Variants in FHOD3 observed in about 807,000 individuals in gnomAD.
FHOD3 encodes formin homology 2 domain containing 3.
A neutral mutation model predicts 173.0 loss-of-function variants in FHOD3; 90 were observed. That is an observed-to-expected ratio of 0.52 (90% confidence interval 0.44 to 0.62). The LOEUF (loss-of-function observed/expected upper bound fraction) is 0.62. Ranked by LOEUF, FHOD3 falls within the 20% of genes least tolerant of loss-of-function variation. The probability of loss-of-function intolerance (pLI) is 0.00; values close to 1 mark genes in which losing one functional copy is unlikely to be tolerated. For synonymous variants in FHOD3, 828 were observed against 823.0 expected (o/e 1.01, Z -0.10); for missense variants, 1,945 against 2,034.7 (o/e 0.96, Z 0.85).
At chr18:36,676,626 A>AC (rs1193231648) in intron 14 of FHOD3, among the ~76,000 whole-genome samples, 1 of 152,178 alleles carries the variant, frequency 6.6e-6, no homozygotes, top group Non-Finnish European at 1.5e-5. Context: ...GATTATATTA[A>AC]TTTCGACTTC....
At chr18:36,479,966 C>T (rs1171597535) in intron 3 of FHOD3, among the ~76,000 whole-genome samples, 1 of 152,196 alleles carries the variant, frequency 6.6e-6, no homozygotes, top group Non-Finnish European at 1.5e-5. Context: ...TTTCTAAATA[C>T]TGGCCACCCA....
At chr18:36,459,297 A>C (rs2052412242) in intron 3 of FHOD3, among the ~76,000 whole-genome samples, 1 of 152,162 alleles carries the variant, frequency 6.6e-6, no homozygotes, top group South Asian at 2.1e-4. Flanking sequence ...GACAAAGGGG[A>C]TTGTTAGAGA....
At chr18:36,743,237 A>T (rs1229186420) in intron 22 of FHOD3, among the ~76,000 whole-genome samples, 1 of 139,152 alleles carries the variant, frequency 7.2e-6, no homozygotes, top group East Asian at 2.3e-4. Context: ...TGAACCCGGG[A>T]AGCAGAGGTT....
At chr18:36,432,762 C>T (rs2147271947) in intron 3 of FHOD3, among the ~76,000 whole-genome samples, 1 of 152,336 alleles carries the variant, frequency 6.6e-6, no homozygotes, top group African/African-American at 2.4e-5. Flanking sequence ...TCATATATAA[C>T]AATGGGTGCG....
chr18:36,765,031 CTG>C (rs2043080636), intron 27 of FHOD3, among the ~76,000 whole-genome samples: 2 of 152,094 alleles, frequency 1.3e-5, no homozygotes, highest in Non-Finnish European at 2.9e-5. Flanking sequence ...TTTGTAGTAG[CTG>C]TATGAACTGG....
intron 3 of FHOD3, among the ~76,000 whole-genome samples, chr18:36,376,079 C>T (rs1165244190): frequency 6.6e-6 from 1 of 152,032 alleles, no homozygotes; most frequent in Non-Finnish European, 1.5e-5. Context: ...ATTTTTTGGT[C>T]CCTGAAAAGT....
chr18:36,726,645 G>T (rs2041086086), intron 19 of FHOD3, among the ~76,000 whole-genome samples: 1 of 152,046 alleles, frequency 6.6e-6, no homozygotes. Flanking sequence ...TCTGACCAAA[G>T]GAATGCACTA....
At chr18:36,454,542 C>T (rs1027003884) in intron 3 of FHOD3, among the ~76,000 whole-genome samples, 2 of 152,104 alleles carry the variant, frequency 1.3e-5, no homozygotes. Flanking sequence ...TTGGAACTAA[C>T]AATTACCTTA....
chr18:36,482,278 T>C (rs2145522914), intron 3 of FHOD3, among the ~76,000 whole-genome samples: 1 of 152,216 alleles, frequency 6.6e-6, no homozygotes, highest in South Asian at 2.1e-4. Context: ...GTAAAATACA[T>C]AGTGTGATAA....
At chr18:36,348,994 G>T (rs1216884459) in intron 1 of FHOD3, among the ~76,000 whole-genome samples, 1 of 152,184 alleles carries the variant, frequency 6.6e-6, no homozygotes, top group East Asian at 1.9e-4. Flanking sequence ...GAAGAGGAGG[G>T]TGACGTAAAG....
chr18:36,500,910 G>A (rs574927679), intron 3 of FHOD3, among the ~76,000 whole-genome samples: 91 of 152,316 alleles, frequency 6.0e-4, no homozygotes, highest in African/African-American at 2.1e-3. Flanking sequence ...AGGACCAAGT[G>A]TGGGTGCTGG....
rs1163001939 is a variant in FHOD3 at position 36,652,551 on chromosome 18, C to T, written c.1287-19C>T. 1 of 1,513,596 alleles carries T rather than the reference C, an allele frequency of 6.6e-7. No homozygotes were observed. The highest frequency in any genetic ancestry group is 8.8e-7 in the Non-Finnish European group (1 of 1,133,684). 93.8% of individuals were successfully genotyped at this position (1,513,596 alleles called of 1,614,324 possible). A position where few individuals can be genotyped will look rare whatever the true frequency, so the allele number is the denominator to read the frequency against. ...AAATCTTTTTTTCTTCTTCCTCCTCCTCCCTGCTGGCCCAACAGCAAGGTC... is the reference window on the plus strand; with the variant it reads ...AAATCTTTTTTTCTTCTTCCTCCTCTTCCCTGCTGGCCCAACAGCAAGGTC... On this transcript the variant is annotated intron_variant, in intron 11 of 28. Transcript: ENST00000590592.
intron 14 of FHOD3, among the ~76,000 whole-genome samples, chr18:36,674,100 A>G (rs1360898813): frequency 2.0e-5 from 3 of 152,230 alleles, no homozygotes; most frequent in African/African-American, 7.2e-5. Flanking sequence ...TTCAAAAGGA[A>G]GGAAAGTCAA....
intron 1 of FHOD3, among the ~76,000 whole-genome samples, chr18:36,330,736 T>C (rs1459354235): frequency 6.6e-6 from 1 of 152,212 alleles, no homozygotes; most frequent in Non-Finnish European, 1.5e-5. Context: ...AGCCTGCTGT[T>C]TATGGGCACG....
intron 10 of FHOD3, among the ~76,000 whole-genome samples, chr18:36,629,581 T>C (rs1399103173): frequency 6.6e-6 from 1 of 152,166 alleles, no homozygotes; most frequent in African/African-American, 2.4e-5. Context: ...GTGTTATGTG[T>C]GAGGGCTATG....
chr18:36,560,827 T>A (rs1255477003), intron 5 of FHOD3, among the ~76,000 whole-genome samples: 1 of 12,886 alleles, frequency 7.8e-5, no homozygotes, highest in African/African-American at 2.3e-4. Context: ...AGAGCAGCTG[T>A]TTTTTTTTTT....
intron 10 of FHOD3, among the ~76,000 whole-genome samples, chr18:36,636,400 G>A (rs922417980): frequency 1.3e-5 from 2 of 152,154 alleles, no homozygotes; most frequent in African/African-American, 4.8e-5. Context: ...GAGGCAGCCT[G>A]GTGGTAACTC....
At chr18:36,580,714 T>C (rs1052875949) in intron 6 of FHOD3, among the ~76,000 whole-genome samples, 4 of 152,220 alleles carry the variant, frequency 2.6e-5, no homozygotes, top group Non-Finnish European at 5.9e-5. Flanking sequence ...GAACAACAGA[T>C]ACATCAACCC....
At chr18:36,732,290 G>A (rs1460924465) in intron 20 of FHOD3, among the ~76,000 whole-genome samples, 4 of 152,180 alleles carry the variant, frequency 2.6e-5, no homozygotes, top group Non-Finnish European at 4.4e-5. Flanking sequence ...AACTGTGGGA[G>A]AATGCATTTC....
Sources: allele counts gnomAD v4.1 joint callset (sites outside exome capture counted in the v4.1 genomes callset), GRCh38; gene constraint gnomAD v4.1.1; transcripts MANE v1.5; gene names NCBI Gene and HGNC (gene_info 2026-07-23, HGNC 2026-07-21).